Variants in SPATA6 observed in about 807,000 individuals in gnomAD.
SPATA6 encodes spermatogenesis-associated protein 6.
In SPATA6, 56 loss-of-function variants were observed where a neutral mutation model predicts 65.3. The observed-to-expected ratio is 0.86, with a 90% CI of 0.69 to 1.07. SPATA6 has a LOEUF of 1.07. SPATA6 is among the 50% of genes least tolerant of loss of function. The pLI is 0.00. For synonymous variants in SPATA6, 199 were observed against 213.2 expected (o/e 0.93, Z 0.58); for missense variants, 590 against 594.8 (o/e 0.99, Z 0.08).
chr1:48,309,255 TG>T (rs1645138852), intron 11 of SPATA6, among the ~76,000 whole-genome samples: 1 of 152,118 alleles, frequency 6.6e-6, no homozygotes, highest in African/African-American at 2.4e-5. Flanking sequence ...GCATGCTTAA[TG>T]GTATCCCACA....
intron 3 of SPATA6, among the ~76,000 whole-genome samples, chr1:48,447,221 G>A (rs1179047468): frequency 2.0e-5 from 3 of 152,062 alleles, no homozygotes; most frequent in Non-Finnish European, 4.4e-5. Flanking sequence ...TTTTGGGGGA[G>A]TCAAAAGTTA....
chr1:48,275,290 G>A, the SPATA6 span, among the ~76,000 whole-genome samples: 1 of 152,210 alleles, frequency 6.6e-6, no homozygotes, highest in Non-Finnish European at 1.5e-5. Context: ...TGCAAAGAGA[G>A]ACAATTTGAC....
the SPATA6 span, among the ~76,000 whole-genome samples, chr1:48,286,634 C>T: frequency 1.3e-5 from 2 of 152,064 alleles, no homozygotes; most frequent in South Asian, 4.1e-4. Flanking sequence ...AATTTAGATG[C>T]CTTTTTAAAA....
At chr1:48,319,832 C>T (rs1251100694) in intron 11 of SPATA6, among the ~76,000 whole-genome samples, 2 of 152,190 alleles carry the variant, frequency 1.3e-5, no homozygotes, top group African/African-American at 2.4e-5. Context: ...ATCCCGGTGA[C>T]AACTGCTGCA....
At chr1:48,310,388 A>T (rs1313084283) in intron 11 of SPATA6, among the ~76,000 whole-genome samples, 1 of 152,172 alleles carries the variant, frequency 6.6e-6, no homozygotes, top group African/African-American at 2.4e-5. Context: ...CATGTTGGTT[A>T]TCAAGCCTAC....
At chr1:48,327,429 C>T (rs1460484150) in intron 11 of SPATA6, among the ~76,000 whole-genome samples, 3 of 152,136 alleles carry the variant, frequency 2.0e-5, no homozygotes, top group African/African-American at 4.8e-5. Flanking sequence ...CTATGGAAAA[C>T]AGTATGGTGA....
chr1:48,384,615 T>C (rs1365006314), intron 9 of SPATA6, among the ~76,000 whole-genome samples: 1 of 152,036 alleles, frequency 6.6e-6, no homozygotes, highest in Non-Finnish European at 1.5e-5. Context: ...CACATGAACA[T>C]ACATGAAATA....
At chr1:48,409,911 G>A (rs1011500173) in intron 5 of SPATA6, among the ~76,000 whole-genome samples, 2 of 152,232 alleles carry the variant, frequency 1.3e-5, no homozygotes, top group Non-Finnish European at 2.9e-5. Context: ...CCTGTGATGG[G>A]AAGGGCTGCT....
At chr1:48,373,797 C>G (rs988136979) in intron 9 of SPATA6, among the ~76,000 whole-genome samples, 1 of 152,202 alleles carries the variant, frequency 6.6e-6, no homozygotes, top group Admixed American at 6.5e-5. Context: ...CCCCTCAGAT[C>G]TCTTGACACT....
chr1:48,464,722 G>A (rs987262053), intron 1 of SPATA6, among the ~76,000 whole-genome samples: 5 of 152,166 alleles, frequency 3.3e-5, no homozygotes, highest in East Asian at 1.9e-4. Flanking sequence ...AAAATATATT[G>A]TAAGAGAAGT....
At chr1:48,406,129 T>C (rs558435647) in intron 5 of SPATA6, among the ~76,000 whole-genome samples, 155 of 152,128 alleles carry the variant, frequency 1.0e-3, no homozygotes, top group Middle Eastern at 6.8e-3. Context: ...GGACAATCAC[T>C]ATAGACATTC....
intron 12 of SPATA6, among the ~76,000 whole-genome samples, chr1:48,301,654 T>C (rs575719586): frequency 6.6e-6 from 1 of 151,438 alleles, no homozygotes; most frequent in Non-Finnish European, 1.5e-5. Flanking sequence ...GTAACCAAAA[T>C]AGCATAGTAC....
At chr1:48,424,343 C>T (rs1201364652) in intron 3 of SPATA6, among the ~76,000 whole-genome samples, 3 of 152,172 alleles carry the variant, frequency 2.0e-5, no homozygotes, top group South Asian at 2.1e-4. Flanking sequence ...TTCTTTCTTA[C>T]GGTTGAATAA....
At chr1:48,327,935 T>A (rs186233851) in intron 11 of SPATA6, among the ~76,000 whole-genome samples, 416 of 152,282 alleles carry the variant, frequency 2.7e-3, no homozygotes, top group African/African-American at 8.4e-3. Flanking sequence ...ACACCATATA[T>A]CCATGTAACA....
intron 3 of SPATA6, chr1:48,436,100 G>C (rs1470209397): frequency 1.4e-5 from 22 of 1,609,774 alleles, no homozygotes; most frequent in Non-Finnish European, 1.7e-5. Flanking sequence ...CCATCCACTA[G>C]AGCCAGTGAA....
At chr1:48,434,224 G>A (rs1292645419) in intron 3 of SPATA6, among the ~76,000 whole-genome samples, 1 of 136,914 alleles carries the variant, frequency 7.3e-6, no homozygotes, top group Admixed American at 7.8e-5. Flanking sequence ...CATAGTAGGT[G>A]CCAGGCACTA....
intron 11 of SPATA6, chr1:48,325,327 G>T: frequency 7.9e-7 from 1 of 1,271,700 alleles, no homozygotes; most frequent in Non-Finnish European, 1.1e-6. Flanking sequence ...GTAGGGCACA[G>T]GCCCCCGTAG....
chr1:48,455,652 T>C (rs1403871471), intron 1 of SPATA6, among the ~76,000 whole-genome samples: 1 of 152,200 alleles, frequency 6.6e-6, no homozygotes, highest in African/African-American at 2.4e-5. Context: ...AGTGCTGGGA[T>C]TACAGGCATG....
intron 1 of SPATA6, among the ~76,000 whole-genome samples, chr1:48,459,196 C>A (rs1475370107): frequency 8.5e-6 from 1 of 117,938 alleles, no homozygotes. Context: ...CACTGCGAGA[C>A]TCCATATCAA....
Sources: allele counts gnomAD v4.1 joint callset (sites outside exome capture counted in the v4.1 genomes callset), GRCh38; gene constraint gnomAD v4.1.1; transcripts MANE v1.5; gene names NCBI Gene and HGNC (gene_info 2026-07-23, HGNC 2026-07-21).